SERPINB12: variants seen among roughly 807,000 people sequenced by gnomAD.
SERPINB12 encodes serpin B12.
In SERPINB12, 57 loss-of-function variants were observed where a neutral mutation model predicts 41.1. The ratio of observed to expected loss-of-function variants is 1.39; its 90% confidence interval spans 1.12 to 1.73. The LOEUF (loss-of-function observed/expected upper bound fraction) is 1.73. SERPINB12 is among the 40% of genes most tolerant of loss of function. The pLI, the probability that SERPINB12 is intolerant of heterozygous loss-of-function variation, is 0.00. For synonymous variants in SERPINB12, 180 were observed against 181.3 expected, an observed-to-expected ratio of 0.99 and a Z score of 0.06; for missense variants, 536 against 501.9, an observed-to-expected ratio of 1.07 and a Z score of -0.65.
upstream of SERPINB12, among the ~76,000 whole-genome samples, chr18:63,538,931 C>T (rs8099705): frequency 0.025 from 3,820 of 152,124 alleles, 164 homozygotes; most frequent in African/African-American, 0.087. Context: ...TTTGCATTTC[C>T]CTAACAACTA....
intron 3 of SERPINB12, among the ~76,000 whole-genome samples, chr18:63,559,091 TTCTC>T (rs1301848699): frequency 2.5e-4 from 35 of 139,786 alleles, no homozygotes; most frequent in African/African-American, 8.5e-4. Flanking sequence ...CCTTCTCTCT[TTCTC>T]TCTTTCTTTC....
At chr18:63,556,580 A>G (rs1312607615) in intron 2 of SERPINB12, among the ~76,000 whole-genome samples, 1 of 151,726 alleles carries the variant, frequency 6.6e-6, no homozygotes, top group Non-Finnish European at 1.5e-5. Flanking sequence ...AGCTTTTCTC[A>G]TTCATCTCTA....
chr18:63,545,194 G>T (rs1265683486), intron 1 of SERPINB12, among the ~76,000 whole-genome samples: 2 of 151,836 alleles, frequency 1.3e-5, no homozygotes, highest in Non-Finnish European at 2.9e-5. Flanking sequence ...TTATTTTTAC[G>T]GCCTGTTGAC....
At chr18:63,552,137 C>G (rs1168352889) in intron 1 of SERPINB12, among the ~76,000 whole-genome samples, 1 of 152,176 alleles carries the variant, frequency 6.6e-6, no homozygotes, top group East Asian at 1.9e-4. Context: ...TCTGCTATCT[C>G]TTTGTGTGCA....
the SERPINB12 span, among the ~76,000 whole-genome samples, chr18:63,531,522 C>T: frequency 6.6e-6 from 1 of 152,152 alleles, no homozygotes; most frequent in Non-Finnish European, 1.5e-5. Context: ...AGTTCAGAGA[C>T]CTCAGCAAGT....
chr18:63,530,961 T>C, the SERPINB12 span, among the ~76,000 whole-genome samples: 1 of 152,180 alleles, frequency 6.6e-6, no homozygotes, highest in African/African-American at 2.4e-5. Flanking sequence ...ATTATTTTTG[T>C]TCTAAGAAAT....
At chr18:63,558,798 A>G (rs1381522282) in intron 3 of SERPINB12, among the ~76,000 whole-genome samples, 1 of 152,174 alleles carries the variant, frequency 6.6e-6, no homozygotes, top group Non-Finnish European at 1.5e-5. Context: ...AAAGGTGGTA[A>G]GGGGTAGGGT....
rs558380041 is a variant in SERPINB12, at chr18:63,558,493, C to G, written c.303+7C>G. 6.2e-7 allele frequency: 1 copy of G among 1,605,538 alleles called. No individual in the cohort carries two copies. Among genetic ancestry groups the G allele is most frequent in the Admixed American group, 1.7e-5 (1 of 57,698 alleles). ...AGAGCCTCTGGATCAGCAGGTGAAC[C>G]GCCACCGTAGAAAACTCTTGCCTTT... On this transcript the variant is annotated splice_region_variant and intron_variant, in intron 3 of 7. Coordinates refer to ENST00000382768, the MANE Select transcript of SERPINB12 (RefSeq NM_001307928.2).
chr18:63,526,487 C>T, the SERPINB12 span, among the ~76,000 whole-genome samples: 104,874 of 151,986 alleles, frequency 0.69, 36,407 homozygotes, highest in Middle Eastern at 0.74. Flanking sequence ...TAGCTTTCAT[C>T]TTAGAATTTT....
At position 63,561,745 on chromosome 18, in the gene SERPINB12, T is replaced by C. The variant is rs572752021; in HGVS notation, c.562+543T>C. 3.2e-3 allele frequency among the ~76,000 whole-genome samples: 484 copies of C among 152,276 alleles called. 1 individual carries two copies. Among genetic ancestry groups the C allele is most frequent in the African/African-American group, 0.011 (471 of 41,554 alleles). Reference sequence around the variant, plus strand: ...TGAAATCATGTCCTTTGCAGTAACATGATGGAAATGGAGGCCATAATCCTA... The same window carrying C: ...TGAAATCATGTCCTTTGCAGTAACACGATGGAAATGGAGGCCATAATCCTA... On this transcript the variant is annotated intron_variant, in intron 5 of 7. Transcript: ENST00000382768.
At chr18:63,558,242 T>C in intron 2 of SERPINB12, 110 bp from the exon 3 acceptor site, 1 of 1,249,476 alleles carries the variant, frequency 8.0e-7, no homozygotes, top group Middle Eastern at 2.6e-4. Flanking sequence ...GTTGATTGTT[T>C]TGTTTGACTA....
At chr18:63,562,152 C>T (rs1242440576) in intron 5 of SERPINB12, among the ~76,000 whole-genome samples, 2 of 152,126 alleles carry the variant, frequency 1.3e-5, no homozygotes, top group Non-Finnish European at 2.9e-5. Flanking sequence ...GGACACCAGC[C>T]TCGTTAGTGC....
chr18:63,534,289 A>AAAAACAAAAC, the SERPINB12 span, among the ~76,000 whole-genome samples: 1 of 152,168 alleles, frequency 6.6e-6, no homozygotes, highest in African/African-American at 2.4e-5. Flanking sequence ...CAACACATTA[A>AAAAACAAAAC]AAAACAAAAC....
chr18:63,559,835 C>T (rs985398671), intron 4 of SERPINB12, 117 bp downstream of exon 4: 12 of 1,033,676 alleles, frequency 1.2e-5, no homozygotes, highest in Middle Eastern at 2.6e-4. Context: ...CAGGATGATG[C>T]GCTGTGGACT....
the SERPINB12 span, among the ~76,000 whole-genome samples, chr18:63,535,218 A>G: frequency 1.3e-5 from 2 of 152,192 alleles, no homozygotes; most frequent in African/African-American, 4.8e-5. Flanking sequence ...GAGGGCAAGC[A>G]TAGCTACAGT....
chr18:63,540,470 A>G (rs1357402703), upstream of SERPINB12, among the ~76,000 whole-genome samples: 1 of 152,156 alleles, frequency 6.6e-6, no homozygotes, highest in Non-Finnish European at 1.5e-5. Flanking sequence ...ATCTCCCTGA[A>G]GAACAATTTG....
chr18:63,566,684 G>A lies in SERPINB12; in HGVS notation c.951G>A (p.Leu317=). The change falls in exon 8 of 8, where the codon CTG becomes CTA. Residue 317 remains leucine (L), a synonymous_variant. Transcript: ENST00000382768. ...SENMSEESVV[L]SFPRFTLEDS... is the part of the protein sequence containing the mutation. ...ACATGTCAGAAGAATCGGTGGTCCT[G>A]TCCTTCCCCCGGTTCACCCTGGAAG... 2 of 1,613,994 alleles carry A rather than the reference G, an allele frequency of 1.2e-6. No homozygotes were observed. The highest frequency in any genetic ancestry group is 2.2e-5 in the South Asian group (2 of 91,048).
rs1910615864 is a variant in SERPINB12 at position 63,554,614 on chromosome 18, G to A, written c.-18-1528G>A. Among the ~76,000 whole-genome samples the A allele has an allele frequency of 2.0e-5, 3 of 152,104 alleles. No individual in the cohort carries two copies. In the South Asian group the frequency reaches 6.2e-4, roughly 32 times the overall value. On this transcript the variant is annotated intron_variant, in intron 1 of 7. Transcript: ENST00000382768. ...AAAGAAAAGGCATTTCATTTGAAAGGCATAGGTCAGTGGTGAGATCTACAT... is the reference window on the plus strand; with the variant it reads ...AAAGAAAAGGCATTTCATTTGAAAGACATAGGTCAGTGGTGAGATCTACAT...
chr18:63,559,003 C>CTTCCTTCT (rs1555675577), intron 3 of SERPINB12, among the ~76,000 whole-genome samples: 6 of 78,536 alleles, frequency 7.6e-5, no homozygotes, highest in East Asian at 6.9e-4. Context: ...TCTTTCCTTC[C>CTTCCTTCT]TTCTTTCTTT....
Sources: gnomAD v4.1 joint callset for allele counts (sites outside exome capture counted in the v4.1 genomes callset) on GRCh38, gnomAD v4.1.1 for gene constraint, MANE v1.5 for transcripts, NCBI Gene and HGNC (gene_info 2026-07-23, HGNC 2026-07-21) for gene names.